The following CCNJL variants were observed in gnomAD, a reference collection of about 807,000 sequenced individuals.
The protein encoded by CCNJL is cyclin-J-like protein.
CCNJL carries 33 observed loss-of-function variants against 33.4 expected under a neutral mutation model. The observed-to-expected ratio is 0.99, with a 90% confidence interval of 0.75 to 1.32. CCNJL has a LOEUF of 1.32. Among genes scored for constraint, CCNJL ranks in the 40% most tolerant of loss-of-function variants. CCNJL has a pLI of 0.00. For synonymous variants in CCNJL, 227 were observed against 220.9 expected, an observed-to-expected ratio of 1.03 and a Z score of -0.24; for missense variants, 512 against 499.7, an observed-to-expected ratio of 1.02 and a Z score of -0.23.
chr5:160,269,612 G>T (rs562592071), intron 3 of CCNJL: 5 of 392,524 alleles, frequency 1.3e-5, no homozygotes, highest in Non-Finnish European at 2.6e-5. Flanking sequence ...GTTCAGAGGG[G>T]AGATGCTTCC....
At chr5:160,281,171 C>T (rs773068146) in intron 2 of CCNJL, among the ~76,000 whole-genome samples, 1 of 152,164 alleles carries the variant, frequency 6.6e-6, no homozygotes, top group Non-Finnish European at 1.5e-5. Context: ...TTTGTTTCCT[C>T]CTCGAGAGCT....
chr5:160,306,076 C>A (rs1449201039), intron 2 of CCNJL, among the ~76,000 whole-genome samples: 1 of 151,996 alleles, frequency 6.6e-6, no homozygotes, highest in Non-Finnish European at 1.5e-5. Context: ...GAGTTAGAGA[C>A]CAGCCTGGCC....
intron 1 of CCNJL, among the ~76,000 whole-genome samples, chr5:160,327,225 A>G (rs1416847142): frequency 6.6e-6 from 1 of 152,214 alleles, no homozygotes; most frequent in Non-Finnish European, 1.5e-5. Flanking sequence ...GTCTGAATAT[A>G]ATGAGGATAA....
intron 1 of CCNJL, among the ~76,000 whole-genome samples, chr5:160,319,930 T>A (rs937058379): frequency 1.6e-4 from 24 of 151,372 alleles, no homozygotes; most frequent in Admixed American, 5.9e-4. Flanking sequence ...AATAAATAAA[T>A]AATAAATAAA....
chr5:160,333,743 C>T (rs1372416750), intron 1 of CCNJL, among the ~76,000 whole-genome samples: 1 of 152,102 alleles, frequency 6.6e-6, no homozygotes, highest in Non-Finnish European at 1.5e-5. Context: ...CATCACCACA[C>T]CCAAGCCACT....
chr5:160,327,586 C>T (rs1289935132), intron 1 of CCNJL, among the ~76,000 whole-genome samples: 1 of 152,192 alleles, frequency 6.6e-6, no homozygotes, highest in African/African-American at 2.4e-5. Context: ...AATTAATGCC[C>T]AGAGGCAGCC....
intron 2 of CCNJL, among the ~76,000 whole-genome samples, chr5:160,289,888 G>A (rs563127410): frequency 1.3e-5 from 2 of 152,318 alleles, no homozygotes; most frequent in South Asian, 2.1e-4. Context: ...GTGCAGGTGA[G>A]GCCAGGTGAA....
In CCNJL at chr5:160,252,308, A is replaced by C. The variant is rs1760840377; in HGVS notation, c.*1070T>G. On this transcript the variant is annotated 3_prime_UTR_variant, in exon 6 of 6. Coordinates refer to ENST00000257536, the MANE Select transcript of CCNJL (RefSeq NM_001308173.3). ...ACGCCCATGTACATCCCACTCCCCA[A>C]ATACAGGTGGGACTAAGCAAATTTT... 1 of 152,546 alleles carries C rather than the reference A, an allele frequency of 6.6e-6. No homozygotes were observed. Among genetic ancestry groups the C allele is most frequent in the Non-Finnish European group, 1.5e-5 (1 of 68,056 alleles). The allele number at this position is 152,546 out of a possible 1,614,324, so 9.4% of individuals were successfully genotyped here.
chr5:160,292,051 G>C (rs1032521100), intron 2 of CCNJL, among the ~76,000 whole-genome samples: 2 of 152,046 alleles, frequency 1.3e-5, no homozygotes, highest in African/African-American at 4.8e-5. Context: ...ATCACAGTAA[G>C]ACCCCGTCTC....
chr5:160,311,747 A>G (rs988968538), intron 2 of CCNJL, 111 bp downstream of exon 2: 1 of 1,024,690 alleles, frequency 9.8e-7, no homozygotes, highest in African/African-American at 1.6e-5. Context: ...AAGAGGAAAA[A>G]AAGGCACCCG....
intron 3 of CCNJL, among the ~76,000 whole-genome samples, chr5:160,275,680 GTA>G (rs1462796790): frequency 6.6e-6 from 1 of 152,120 alleles, no homozygotes; most frequent in East Asian, 1.9e-4. Flanking sequence ...AAGTAAAAAC[GTA>G]TCTCACACTT....
At chr5:160,282,982 T>TAC (rs1554120730) in intron 2 of CCNJL, among the ~76,000 whole-genome samples, 23 of 69,588 alleles carry the variant, frequency 3.3e-4, no homozygotes, top group Non-Finnish European at 5.7e-4. Context: ...TATATATATA[T>TAC]ATATATATAT....
At chr5:160,298,748 A>G (rs1045772428) in intron 2 of CCNJL, among the ~76,000 whole-genome samples, 1 of 152,208 alleles carries the variant, frequency 6.6e-6, no homozygotes, top group African/African-American at 2.4e-5. Flanking sequence ...GCTAAAGCAT[A>G]TTATAATCCC....
chr5:160,327,959 A>G (rs1473020463), intron 1 of CCNJL, among the ~76,000 whole-genome samples: 1 of 152,066 alleles, frequency 6.6e-6, no homozygotes, highest in East Asian at 1.9e-4. Context: ...GTGATCAGAC[A>G]CCCCCTGACA....
At chr5:160,306,975 C>A (rs1450754361) in intron 2 of CCNJL, among the ~76,000 whole-genome samples, 1 of 152,244 alleles carries the variant, frequency 6.6e-6, no homozygotes, top group Non-Finnish European at 1.5e-5. Context: ...CTGTAGGAAG[C>A]TGGGGTGGCA....
intron 1 of CCNJL, among the ~76,000 whole-genome samples, chr5:160,320,810 T>C (rs1337119559): frequency 2.2e-5 from 2 of 91,366 alleles, no homozygotes; most frequent in South Asian, 3.8e-4. Context: ...TCTTTCTTTC[T>C]TTCTTTCTTT....
chr5:160,291,637 C>A lies in CCNJL; in HGVS notation c.67-10899G>T, dbSNP rs1048453244. On this transcript the variant is annotated intron_variant, in intron 2 of 5. Transcript: ENST00000257536. ...CAGTGCATCCACAAGGCGAGACTTG[C>A]AAAAATCCCTGGCGTGATGCCTAAT... is the stretch of plus-strand genomic sequence containing the variant. Among the ~76,000 whole-genome samples the A allele has an allele frequency of 4.6e-5, 7 of 152,282 alleles. No homozygotes were observed. In the East Asian group the frequency reaches 1.2e-3, roughly 25 times the overall value.
At chr5:160,320,059 T>G (rs767375854) in intron 1 of CCNJL, among the ~76,000 whole-genome samples, 1 of 152,210 alleles carries the variant, frequency 6.6e-6, no homozygotes, top group Non-Finnish European at 1.5e-5. Context: ...TCAAATGAGA[T>G]CTAGAAAGTG....
At chr5:160,280,492 C>A in intron 3 of CCNJL, 33 bp downstream of exon 3, 1 of 1,569,876 alleles carries the variant, frequency 6.4e-7, no homozygotes, top group African/African-American at 1.3e-5. Flanking sequence ...GGAGACCGCA[C>A]AAGCGCGGAG....
Sources: gnomAD v4.1 joint callset for allele counts (sites outside exome capture counted in the v4.1 genomes callset) on GRCh38, gnomAD v4.1.1 for gene constraint, MANE v1.5 for transcripts, NCBI Gene and HGNC (gene_info 2026-07-23, HGNC 2026-07-21) for gene names.